The following EXTL3 variants were observed in gnomAD, a reference collection of about 807,000 sequenced individuals.
The protein encoded by EXTL3 is exostosin-like 3.
Under a neutral mutation model 69.3 loss-of-function variants are expected in EXTL3, and 27 were observed. That is an observed-to-expected ratio of 0.39 (90% CI 0.29 to 0.54). The LOEUF (loss-of-function observed/expected upper bound fraction) is 0.54, where lower values mean the gene tolerates loss of function less well. Ranked by LOEUF, EXTL3 falls within the 20% of genes least tolerant of loss-of-function variation. The pLI is 0.69. For synonymous variants in EXTL3, 511 were observed against 499.4 expected, an observed-to-expected ratio of 1.02 and a Z score of -0.31; for missense variants, 1,003 against 1,231.8, an observed-to-expected ratio of 0.81 and a Z score of 2.78.
In EXTL3 at chr8:28,751,369, T is replaced by C; in HGVS notation, c.*503T>C. 1 of 168,132 alleles carries C rather than the reference T, an allele frequency of 5.9e-6. No individual in the cohort carries two copies. Among genetic ancestry groups the C allele is most frequent in the Non-Finnish European group, 1.3e-5 (1 of 76,574 alleles). 10.4% of individuals were successfully genotyped at this position (168,132 alleles called of 1,614,324 possible). ...CCGCGCAGGCTCCTTTGTTCTGTAT[T>C]CTGGCGGAGATGGGTCCTGGCCTTG... On this transcript the variant is annotated 3_prime_UTR_variant, in exon 7 of 7. Transcript: ENST00000220562.
At chr8:28,731,669 C>T (rs1256594485) in intron 4 of EXTL3, among the ~76,000 whole-genome samples, 3 of 152,096 alleles carry the variant, frequency 2.0e-5, no homozygotes, top group African/African-American at 4.8e-5. Context: ...ACCACATGGG[C>T]AGAGAGTAGA....
chr8:28,725,093 T>C (rs1423174919), intron 3 of EXTL3, among the ~76,000 whole-genome samples: 1 of 152,112 alleles, frequency 6.6e-6, no homozygotes, highest in Non-Finnish European at 1.5e-5. Flanking sequence ...CATTCTCAGA[T>C]ATGGATTTGC....
Position 28,716,725 on chromosome 8 carries a change from A to G in EXTL3, c.666A>G (p.Ala222=). The change falls in exon 3 of 7, where the codon GCA becomes GCG. Residue 222 remains alanine, a synonymous_variant. Coordinates refer to ENST00000220562, the MANE Select transcript of EXTL3 (RefSeq NM_001440.4). This position sits in a 1 kb window ranked among gnomAD's most constrained non-coding sequence, Gnocchi z 7.1. ...PLVKQAFQAT[A]RANVYVTENA... ...TCAAGCAGGCTTTTCAGGCGACAGC[A>G]CGAGCTAACGTTTATGTTACAGAAA... 1 of 1,614,250 alleles carries G rather than the reference A, an allele frequency of 6.2e-7. No homozygotes were observed. Among genetic ancestry groups the G allele is most frequent in the Non-Finnish European group, 8.5e-7 (1 of 1,180,046 alleles).
chr8:28,636,356 A>C (rs1389936866), intron 1 of EXTL3, among the ~76,000 whole-genome samples: 1 of 151,010 alleles, frequency 6.6e-6, no homozygotes, highest in Non-Finnish European at 1.5e-5. Context: ...ACAAATGTCT[A>C]ACTCGCCAGG....
chr8:28,634,253 G>A (rs1255820150), intron 1 of EXTL3, among the ~76,000 whole-genome samples: 3 of 152,096 alleles, frequency 2.0e-5, no homozygotes, highest in African/African-American at 4.8e-5. Context: ...GAAATGATCG[G>A]TTCACATCTG....
intron 1 of EXTL3, among the ~76,000 whole-genome samples, chr8:28,644,483 G>A (rs1165723474): frequency 6.6e-6 from 1 of 152,050 alleles, no homozygotes; most frequent in Non-Finnish European, 1.5e-5. Flanking sequence ...AGGATCACTA[G>A]AGGCCAGGAG....
chr8:28,652,795 G>C (rs1229390572), intron 1 of EXTL3, among the ~76,000 whole-genome samples: 1 of 151,660 alleles, frequency 6.6e-6, no homozygotes, highest in Non-Finnish European at 1.5e-5. Context: ...GTGTTTATTG[G>C]TCATTTGTAT....
intron 1 of EXTL3, among the ~76,000 whole-genome samples, chr8:28,711,699 A>C (rs1382003967): frequency 1.3e-5 from 2 of 152,208 alleles, no homozygotes; most frequent in Non-Finnish European, 2.9e-5. Flanking sequence ...TATTCAATAC[A>C]ATATATTATT....
intron 3 of EXTL3, among the ~76,000 whole-genome samples, chr8:28,718,470 C>G (rs181236017): frequency 6.6e-6 from 1 of 152,122 alleles, no homozygotes; most frequent in Non-Finnish European, 1.5e-5. Context: ...ATATACAAAA[C>G]CTTGTCGGTT....
At chr8:28,681,833 T>A (rs1807495134) in intron 1 of EXTL3, among the ~76,000 whole-genome samples, 1 of 152,090 alleles carries the variant, frequency 6.6e-6, no homozygotes. Context: ...GCAGGCGGAT[T>A]ACCAGAGGTT....
At chr8:28,626,253 A>T (rs1806489397) in intron 1 of EXTL3, among the ~76,000 whole-genome samples, 1 of 152,090 alleles carries the variant, frequency 6.6e-6, no homozygotes, top group South Asian at 2.1e-4. Context: ...AAAGATATAG[A>T]ATAAGACTAA....
chr8:28,651,955 C>T (rs1325857535), intron 1 of EXTL3, among the ~76,000 whole-genome samples: 1 of 152,120 alleles, frequency 6.6e-6, no homozygotes. Context: ...TTTCATTTAG[C>T]ATGTCTTCAA....
intron 5 of EXTL3, among the ~76,000 whole-genome samples, chr8:28,739,620 C>T (rs934612743): frequency 6.6e-6 from 1 of 152,154 alleles, no homozygotes; most frequent in African/African-American, 2.4e-5. Flanking sequence ...TGTGAGGAAC[C>T]GTGCCTGACA....
chr8:28,691,845 C>G (rs1298608433), intron 1 of EXTL3, among the ~76,000 whole-genome samples: 1 of 151,348 alleles, frequency 6.6e-6, no homozygotes, highest in East Asian at 1.9e-4. Flanking sequence ...TGTGGTGTGC[C>G]GAGATCACAC....
chr8:28,706,314 T>G (rs980707723), intron 1 of EXTL3, among the ~76,000 whole-genome samples: 2 of 152,212 alleles, frequency 1.3e-5, no homozygotes, highest in African/African-American at 4.8e-5. Context: ...ACTTTTCAGT[T>G]TACCTTTCTA....
chr8:28,627,957 T>C (rs995072188), intron 1 of EXTL3, among the ~76,000 whole-genome samples: 1 of 152,096 alleles, frequency 6.6e-6, no homozygotes, highest in East Asian at 1.9e-4. Flanking sequence ...TCATGTTTAA[T>C]GGGTACAGAG....
At chr8:28,742,573 G>C (rs1245121961) in intron 5 of EXTL3, 1 of 191,992 alleles carries the variant, frequency 5.2e-6, no homozygotes, top group Non-Finnish European at 1.1e-5. Context: ...ATCCAGGCAA[G>C]AGACGAAGGT....
chr8:28,613,129 C>T (rs1806291820), intron 2 of EXTL3, among the ~76,000 whole-genome samples: 1 of 151,956 alleles, frequency 6.6e-6, no homozygotes, highest in East Asian at 1.9e-4. Context: ...CTTGTAACGC[C>T]TTTATCTAGT....
At chr8:28,619,826 G>T (rs1043577431), upstream of EXTL3, among the ~76,000 whole-genome samples, 2 of 124,394 alleles carry the variant, frequency 1.6e-5, no homozygotes, top group Admixed American at 2.0e-4. Context: ...TCCGTACACC[G>T]CCGACAGGGC....
Sources: gnomAD v4.1 joint callset for allele counts (sites outside exome capture counted in the v4.1 genomes callset) on GRCh38, gnomAD v4.1.1 for gene constraint, Gnocchi (gnomAD v3.1) non-coding constraint, MANE v1.5 for transcripts, NCBI Gene and HGNC (gene_info 2026-07-23, HGNC 2026-07-21) for gene names.